The following RASSF7 variants were observed in gnomAD, a reference collection of about 807,000 sequenced individuals.
RASSF7 encodes the protein Ras association domain family member 7, also known as ras association domain-containing protein 7.
RASSF7 carries 41 observed loss-of-function variants against 33.8 expected under a neutral mutation model. That is an observed-to-expected ratio of 1.21 (90% CI 0.95 to 1.57). The LOEUF (loss-of-function observed/expected upper bound fraction) is 1.57, where lower values mean the gene tolerates loss of function less well. Among genes scored for constraint, RASSF7 ranks in the 40% most tolerant of loss-of-function variants. The pLI is 0.00. For synonymous variants in RASSF7, 298 were observed against 212.8 expected, an observed-to-expected ratio of 1.40 and a Z score of -3.48; for missense variants, 622 against 497.0, an observed-to-expected ratio of 1.25 and a Z score of -2.39.
intron 2 of RASSF7, 62 bp from the exon 3 acceptor site, chr11:562,017 C>G: frequency 4.6e-6 from 7 of 1,517,878 alleles, no homozygotes; most frequent in African/African-American, 2.8e-5. Flanking sequence ...CTTCCCAACT[C>G]TTCAAGCCAG....
At position 561,273 on chromosome 11, in the gene RASSF7, G is replaced by A; in HGVS notation, c.-212G>A. ...TTCGGGGCGAGCGCAGCGATTAGGC[G>A]GCAGCGGCGGGGCTCCCCGGGCTGG... On this transcript the variant is annotated 5_prime_UTR_variant, in exon 1 of 6. Transcript: ENST00000397583. The A allele has an allele frequency of 1.0e-6, 1 of 985,934 alleles. No homozygotes were observed. The highest frequency in any genetic ancestry group is 1.2e-6 in the Non-Finnish European group (1 of 830,162). The allele number at this position is 985,934 out of a possible 1,614,324, so 61.1% of individuals were successfully genotyped here.
chr11:561,066 C>G lies in RASSF7; in HGVS notation c.-419C>G. 1 of 989,078 alleles carries G rather than the reference C, an allele frequency of 1.0e-6. No individual in the cohort carries two copies. Among genetic ancestry groups the G allele is most frequent in the Non-Finnish European group, 1.2e-6 (1 of 833,046 alleles). 61.3% of individuals were successfully genotyped at this position (989,078 alleles called of 1,614,324 possible). A position where few individuals can be genotyped will look rare whatever the true frequency, so the allele number is the denominator to read the frequency against. On this transcript the variant is annotated 5_prime_UTR_variant, in exon 1 of 6. Coordinates refer to ENST00000397583, the MANE Select transcript of RASSF7 (RefSeq NM_003475.4). ...GCGCCGGGTCCCCGGTACTTGGGAG[C>G]GCGGGGCGCGCCTCGAGCCGGCCGG...
At chr11:561,604 G>T in intron 1 of RASSF7, 127 bp downstream of exon 1, 1 of 1,403,100 alleles carries the variant, frequency 7.1e-7, no homozygotes. Flanking sequence ...CCCCAGGAAT[G>T]TGTGGCTGGC....
In RASSF7 at chr11:561,046, G is replaced by C. The variant is rs1853267496; in HGVS notation, c.-439G>C. The C allele has an allele frequency of 6.0e-6, 6 of 995,870 alleles. No homozygotes were observed. The highest frequency in any genetic ancestry group is 6.1e-5 in the Admixed American group (1 of 16,512). The allele number at this position is 995,870 out of a possible 1,614,324, so 61.7% of individuals were successfully genotyped here. A position where few individuals can be genotyped will look rare whatever the true frequency, so the allele number is the denominator to read the frequency against. On this transcript the variant is annotated 5_prime_UTR_variant, in exon 1 of 6. Coordinates refer to ENST00000397583, the MANE Select transcript of RASSF7 (RefSeq NM_003475.4). Reference sequence around the variant, plus strand: ...GGCGAGCGCCCAGGTGAGCCGCGCCGGGTCCCCGGTACTTGGGAGCGCGGG... The same window carrying C: ...GGCGAGCGCCCAGGTGAGCCGCGCCCGGTCCCCGGTACTTGGGAGCGCGGG...
Position 563,421 on chromosome 11 carries a change from A to T in RASSF7, c.977A>T (p.Glu326Val). The T allele has an allele frequency of 6.2e-7, 1 of 1,611,882 alleles. No individual in the cohort carries two copies. Residue 326 changes from glutamate to valine, a missense_variant, in exon 5 of 6, where the codon GAG becomes GTG. Transcript: ENST00000397583. Reference sequence around the variant, plus strand: ...GGCCCTCTGCCTCCAGCCAGAGAGGAGTCCCTCCTGGGCGCTCCCTCTGAG... The same window carrying T: ...GGCCCTCTGCCTCCAGCCAGAGAGGTGTCCCTCCTGGGCGCTCCCTCTGAG... ...TQGPLPPAREESLLGAPSESH... is the reference protein window; with the variant it reads ...TQGPLPPAREVSLLGAPSESH...
In RASSF7 at chr11:562,153, G is replaced by C; in HGVS notation, c.199G>C (p.Val67Leu). 1.3e-6 allele frequency: 2 copies of C among 1,563,318 alleles called. No individual in the cohort carries two copies. Among genetic ancestry groups the C allele is most frequent in the Non-Finnish European group, 1.7e-6 (2 of 1,153,674 alleles). Residue 67 changes from valine to leucine, a missense_variant, in exon 3 of 6, where the codon GTG becomes CTG. Transcript: ENST00000397583. ...ERQLLPQECP[V>L]GAQATCGQFA... is the part of the protein sequence containing the mutation. ...GCAGTTGCTGCCACAAGAGTGTCCAGTGGGCGCCCAGGCCACCTGCGGACA... is the reference window on the plus strand; with the variant it reads ...GCAGTTGCTGCCACAAGAGTGTCCACTGGGCGCCCAGGCCACCTGCGGACA...
Position 561,397 on chromosome 11 carries a change from G to A in RASSF7, c.-88G>A. The A allele has an allele frequency of 1.8e-6, 2 of 1,117,554 alleles. No homozygotes were observed. Among genetic ancestry groups the A allele is most frequent in the Non-Finnish European group, 2.2e-6 (2 of 910,930 alleles). 69.2% of individuals were successfully genotyped at this position (1,117,554 alleles called of 1,614,324 possible). A position where few individuals can be genotyped will look rare whatever the true frequency, so the allele number is the denominator to read the frequency against. On this transcript the variant is annotated 5_prime_UTR_variant, in exon 1 of 6. Coordinates refer to ENST00000397583, the MANE Select transcript of RASSF7 (RefSeq NM_003475.4). The stretch of plus-strand genomic sequence containing the variant: ...CGGCCTGAGCAGGTCGGGGTGGGGC[G>A]TTCCCATGCCGGCGGCCGCGGGGCC...
Position 562,360 on chromosome 11 carries a change from C to T in RASSF7, c.406C>T (p.Leu136Phe), listed in dbSNP as rs572336426. ...ACTGACCCCCGAGCCAGCCCCCAGC[C>T]TCTCACGCCCTGGGCCTGCGGCCCC... is the stretch of plus-strand genomic sequence containing the variant. Reference protein sequence around the residue: ...KTLTPEPAPSLSRPGPAAPVT... With the variant: ...KTLTPEPAPSFSRPGPAAPVT... Residue 136 changes from leucine to phenylalanine, a missense_variant, in exon 3 of 6, where the codon CTC becomes TTC. Coordinates refer to ENST00000397583, the MANE Select transcript of RASSF7 (RefSeq NM_003475.4). The T allele has an allele frequency of 1.8e-4, 281 of 1,599,750 alleles. No homozygotes were observed. Among genetic ancestry groups the T allele is most frequent in the Admixed American group, 1.6e-3 (92 of 58,396 alleles).
chr11:562,694 T>C lies in RASSF7; in HGVS notation c.740T>C (p.Val247Ala). Residue 247 changes from valine to alanine, a missense_variant, in exon 3 of 6, where the codon GTT becomes GCT. Coordinates refer to ENST00000397583, the MANE Select transcript of RASSF7 (RefSeq NM_003475.4). ...ATERLHQDLA[V>A]QERQSAEVQG... Reference sequence around the variant, plus strand: ...GAGCGCCTGCACCAGGACCTGGCTGTTCAGGAGCGGCAGAGTGCGGAGGTG... The same window carrying C: ...GAGCGCCTGCACCAGGACCTGGCTGCTCAGGAGCGGCAGAGTGCGGAGGTG... 1.3e-6 allele frequency: 2 copies of C among 1,543,540 alleles called. No homozygotes were observed. The highest frequency in any genetic ancestry group is 1.7e-6 in the Non-Finnish European group (2 of 1,146,774).
At position 563,790 on chromosome 11, in the gene RASSF7, G is replaced by A. The variant is rs1341530338; in HGVS notation, c.*145G>A. On this transcript the variant is annotated 3_prime_UTR_variant, in exon 6 of 6. Coordinates refer to ENST00000397583, the MANE Select transcript of RASSF7 (RefSeq NM_003475.4). ...GCAGTGGGGGACTGCCCTAGTCCTTGCCAGGTCGCCAGCACCCTGGAGAAG... is the reference window on the plus strand; with the variant it reads ...GCAGTGGGGGACTGCCCTAGTCCTTACCAGGTCGCCAGCACCCTGGAGAAG... The A allele has an allele frequency of 2.7e-6, 2 of 742,188 alleles. No individual in the cohort carries two copies. The highest frequency in any genetic ancestry group is 2.1e-6 in the Non-Finnish European group (1 of 465,764). 46.0% of individuals were successfully genotyped at this position (742,188 alleles called of 1,614,324 possible).
intron 3 of RASSF7, 56 bp downstream of exon 3, chr11:562,832 C>CGG (rs1200443538): frequency 2.2e-5 from 29 of 1,333,790 alleles, no homozygotes; most frequent in Middle Eastern, 5.4e-4. Flanking sequence ...TGGGCAGATA[C>CGG]GGGGATCACA....
rs560956050 is a variant in RASSF7 at position 564,014 on chromosome 11, G to A, written c.*369G>A. 4.6e-5 allele frequency: 14 copies of A among 306,916 alleles called. No homozygotes were observed. The highest frequency in any genetic ancestry group is 1.5e-4 in the African/African-American group (7 of 46,782). The allele number at this position is 306,916 out of a possible 1,614,324, so 19.0% of individuals were successfully genotyped here. A position where few individuals can be genotyped will look rare whatever the true frequency, so the allele number is the denominator to read the frequency against. ...ACGTGAAAACCTCAATAAACTGCCC[G>A]AAGCAGCTTGAGTGTGTGTGGAGGC... is the stretch of plus-strand genomic sequence containing the variant. On this transcript the variant is annotated 3_prime_UTR_variant, in exon 6 of 6. Coordinates refer to ENST00000397583, the MANE Select transcript of RASSF7 (RefSeq NM_003475.4).
Position 561,767 on chromosome 11 carries a change from G to A in RASSF7, c.-2G>A. ...TGCCTGCGCCCTCCCCACAGGACAG[G>A]CATGTTGTTGGGACTGGCGGCCATG... On this transcript the variant is annotated 5_prime_UTR_variant, in exon 2 of 6. Coordinates refer to ENST00000397583, the MANE Select transcript of RASSF7 (RefSeq NM_003475.4). The A allele has an allele frequency of 6.2e-7, 1 of 1,613,418 alleles. No individual in the cohort carries two copies. Among genetic ancestry groups the A allele is most frequent in the Non-Finnish European group, 8.5e-7 (1 of 1,180,014 alleles).
At chr11:561,670 T>C in intron 1 of RASSF7, 92 bp from the exon 2 acceptor site, 1 of 1,563,056 alleles carries the variant, frequency 6.4e-7, no homozygotes, top group Non-Finnish European at 8.7e-7. Flanking sequence ...AGCCCAGCCG[T>C]TTCTAGGGCA....
chr11:563,378 T>A lies in RASSF7; in HGVS notation c.952-18T>A. ...GACCTGGCCCAGCCCCACTCCAAGC[T>A]GACTTCCCAACCCACAGGGCCCTCT... On this transcript the variant is annotated intron_variant, in intron 4 of 5. Transcript: ENST00000397583. The A allele has an allele frequency of 6.2e-7, 1 of 1,609,778 alleles. No homozygotes were observed. The highest frequency in any genetic ancestry group is 8.5e-7 in the Non-Finnish European group (1 of 1,178,184).
Position 562,780 on chromosome 11 carries a change from AG to A in RASSF7, c.822+5del. The A allele has an allele frequency of 6.7e-7, 1 of 1,482,558 alleles. No homozygotes were observed. The highest frequency in any genetic ancestry group is 8.9e-7 in the Non-Finnish European group (1 of 1,119,760). The allele number at this position is 1,482,558 out of a possible 1,614,324, so 91.8% of individuals were successfully genotyped here. ...GGCAGCAGAGCGAGCCTTGCAGGTG[AG>A]CCCGGGGACCTGATCCCCTGTCACT... On this transcript the variant is annotated splice_donor_5th_base_variant and intron_variant, in intron 3 of 5. Coordinates refer to ENST00000397583, the MANE Select transcript of RASSF7 (RefSeq NM_003475.4).
intron 3 of RASSF7, among the ~76,000 whole-genome samples, 194 bp downstream of exon 3, chr11:562,970 CCT>C (rs1182002760): frequency 5.3e-5 from 8 of 151,120 alleles, no homozygotes; most frequent in Admixed American, 6.6e-5. Flanking sequence ...GACCTGATCC[CCT>C]GTCACTCCCC....
At position 562,481 on chromosome 11, in the gene RASSF7, A is replaced by G; in HGVS notation, c.527A>G (p.Glu176Gly). ...AEELGHEAFW[E>G]QELRREQARE... ...GAGCTGGGCCATGAGGCCTTCTGGG[A>G]GCAAGAGCTGCGCCGGGAGCAGGCC... Residue 176 changes from glutamate to glycine, a missense_variant, in exon 3 of 6, where the codon GAG (glutamate) becomes GGG (glycine). Transcript: ENST00000397583. 6.5e-7 allele frequency: 1 copy of G among 1,550,268 alleles called. No homozygotes were observed. Among genetic ancestry groups the G allele is most frequent in the Non-Finnish European group, 8.7e-7 (1 of 1,146,924 alleles).
intron 3 of RASSF7, among the ~76,000 whole-genome samples, 159 bp downstream of exon 3, chr11:562,935 G>C (rs533144681): frequency 0.012 from 1,771 of 145,382 alleles, 22 homozygotes; most frequent in South Asian, 0.055. Context: ...CACAGGGTCT[G>C]ACTCGGGAGG....
Sources: allele counts gnomAD v4.1 joint callset (sites outside exome capture counted in the v4.1 genomes callset), GRCh38; gene constraint gnomAD v4.1.1; transcripts MANE v1.5; gene names NCBI Gene and HGNC (gene_info 2026-07-23, HGNC 2026-07-21).